The following RUFY2 variants were observed in gnomAD, a reference collection of about 807,000 sequenced individuals.
The protein encoded by RUFY2 is RUN and FYVE domain-containing protein 2.
RUFY2 carries 49 observed loss-of-function variants against 94.4 expected under a neutral mutation model. The observed-to-expected ratio is 0.52, with a 90% CI of 0.41 to 0.66. The LOEUF (loss-of-function observed/expected upper bound fraction) is 0.66. RUFY2 is among the 30% of genes least tolerant of loss of function. The probability of loss-of-function intolerance (pLI) is 0.00; values close to 1 mark genes in which losing one functional copy is unlikely to be tolerated. For synonymous variants in RUFY2, 255 were observed against 235.7 expected (o/e 1.08, Z -0.75); for missense variants, 541 against 692.8 (o/e 0.78, Z 2.46).
At chr10:68,369,484 CA>C (rs56118945) in intron 13 of RUFY2, among the ~76,000 whole-genome samples, 124,433 of 135,754 alleles carry the variant, frequency 0.92, 56,625 homozygotes, top group East Asian at 0.98. Flanking sequence ...GACCTTGTCT[CA>C]AAAAAAAAAA....
At chr10:68,366,612 C>T (rs1472847797) in intron 13 of RUFY2, among the ~76,000 whole-genome samples, 2 of 148,494 alleles carry the variant, frequency 1.3e-5, no homozygotes, top group African/African-American at 2.5e-5. Context: ...CATGGTGGCA[C>T]ACACATTTAA....
At chr10:68,392,297 T>A (rs1315860793) in intron 7 of RUFY2, among the ~76,000 whole-genome samples, 1 of 152,054 alleles carries the variant, frequency 6.6e-6, no homozygotes, top group Non-Finnish European at 1.5e-5. Flanking sequence ...CCTTCCAAAG[T>A]GGAATTACAG....
intron 7 of RUFY2, among the ~76,000 whole-genome samples, chr10:68,388,934 C>T (rs2049761955): frequency 6.6e-6 from 1 of 152,046 alleles, no homozygotes; most frequent in African/African-American, 2.4e-5. Context: ...CATCTGTCAC[C>T]CAGGCTGGAG....
At chr10:68,394,013 T>TA in intron 6 of RUFY2, 62 bp downstream of exon 6, 1 of 1,464,146 alleles carries the variant, frequency 6.8e-7, no homozygotes, top group Non-Finnish European at 9.1e-7. Context: ...ATGGATCTTA[T>TA]AATGATTTGT....
chr10:68,368,117 C>T (rs1427936557), intron 13 of RUFY2, among the ~76,000 whole-genome samples: 2 of 151,794 alleles, frequency 1.3e-5, no homozygotes, highest in Non-Finnish European at 2.9e-5. Flanking sequence ...AGGCGCCTGC[C>T]ACCATGCCCA....
intron 15 of RUFY2, among the ~76,000 whole-genome samples, chr10:68,362,736 G>C (rs2047540699): frequency 6.6e-6 from 1 of 151,738 alleles, no homozygotes; most frequent in Non-Finnish European, 1.5e-5. Flanking sequence ...GCTGCAGTGA[G>C]TTATGATTGT....
At chr10:68,370,448 C>CTTTTTTTTTT (rs949829713) in intron 13 of RUFY2, among the ~76,000 whole-genome samples, 6 of 126,170 alleles carry the variant, frequency 4.8e-5, no homozygotes, top group Admixed American at 8.5e-5. Flanking sequence ...TTTCTTTTTT[C>CTTTTTTTTTT]TTTTTTTTTT....
intron 7 of RUFY2, 73 bp downstream of exon 7, chr10:68,393,065 C>A: frequency 2.8e-6 from 2 of 716,276 alleles, no homozygotes; most frequent in South Asian, 2.2e-5. Flanking sequence ...GAAAGGAATA[C>A]GGTAAGCTGA....
In RUFY2 at chr10:68,401,734, C is replaced by T; in HGVS notation, c.182G>A (p.Arg61Lys). 1.9e-6 allele frequency: 3 copies of T among 1,598,060 alleles called. No homozygotes were observed. Among genetic ancestry groups the T allele is most frequent in the Non-Finnish European group, 2.6e-6 (3 of 1,165,694 alleles). The stretch of plus-strand genomic sequence containing the variant: ...TTTGTTGTAACTCAAAAATGATTTT[C>T]TTACTGAAAAAAAGAACACATAATG... Reference protein sequence around the residue: ...EHCLKHGLKVRKSFLSYNKTI... With the variant: ...EHCLKHGLKVKKSFLSYNKTI... The change falls in exon 3 of 18, where the codon AGA becomes AAA. Residue 61 changes from arginine (R) to lysine (K), a missense_variant. Coordinates refer to ENST00000602465, the MANE Select transcript of RUFY2 (RefSeq NM_001330103.2).
chr10:68,348,386 A>G (rs2046428587), intron 16 of RUFY2, among the ~76,000 whole-genome samples: 1 of 151,886 alleles, frequency 6.6e-6, no homozygotes, highest in Non-Finnish European at 1.5e-5. Flanking sequence ...GCATGGTGGC[A>G]TGCACCTGTA....
In RUFY2 at chr10:68,386,435, C is replaced by T. The variant is rs1246292588; in HGVS notation, c.651-307G>A. Among the ~76,000 whole-genome samples, 10 of 152,110 alleles carry T rather than the reference C, an allele frequency of 6.6e-5. No individual in the cohort carries two copies. The East Asian group carries it at 1.2e-3, about 18-fold the overall frequency. Reference sequence around the variant, plus strand: ...CACGATCTCGGCTCACTGCAGCCTCCGCCTCCTGGGTTCAAACTATTCTTC... The same window carrying T: ...CACGATCTCGGCTCACTGCAGCCTCTGCCTCCTGGGTTCAAACTATTCTTC... On this transcript the variant is annotated intron_variant, in intron 7 of 17. Transcript: ENST00000602465.
intron 10 of RUFY2, among the ~76,000 whole-genome samples, chr10:68,383,120 T>A (rs1409853682): frequency 6.6e-6 from 1 of 151,960 alleles, no homozygotes; most frequent in East Asian, 1.9e-4. Flanking sequence ...AGGCCAGGAG[T>A]TTGAGCCCAG....
chr10:68,378,393 C>A, intron 12 of RUFY2: 1 of 1,238,626 alleles, frequency 8.1e-7, no homozygotes, highest in Non-Finnish European at 1.0e-6. Context: ...AATCCAAGTG[C>A]ACCCACTCTG....
chr10:68,374,815 C>G (rs2048516636), intron 13 of RUFY2, among the ~76,000 whole-genome samples: 1 of 151,880 alleles, frequency 6.6e-6, no homozygotes, highest in Non-Finnish European at 1.5e-5. Flanking sequence ...AGAATTGGTG[C>G]ATATTAACTG....
intron 12 of RUFY2, chr10:68,377,311 AC>A (rs1366268960): frequency 3.6e-6 from 4 of 1,103,174 alleles, no homozygotes. Context: ...GTATGTTACT[AC>A]CTTTTTACAA....
chr10:68,369,781 A>T (rs1379671244), intron 13 of RUFY2, among the ~76,000 whole-genome samples: 1 of 151,980 alleles, frequency 6.6e-6, no homozygotes, highest in Non-Finnish European at 1.5e-5. Flanking sequence ...AAATAAAAAT[A>T]AAAAATAAAA....
chr10:68,355,513 T>C (rs569083956), intron 15 of RUFY2, 112 bp from the exon 16 acceptor site: 12 of 602,652 alleles, frequency 2.0e-5, no homozygotes, highest in South Asian at 1.6e-4. Flanking sequence ...GTATAGTATA[T>C]GATTTTTATG....
intron 13 of RUFY2, among the ~76,000 whole-genome samples, chr10:68,367,083 G>A (rs1300717252): frequency 6.6e-6 from 1 of 151,492 alleles, no homozygotes; most frequent in Non-Finnish European, 1.5e-5. Context: ...CATGAGAATT[G>A]CTTGAACCCA....
intron 17 of RUFY2, 33 bp from the exon 18 acceptor site, chr10:68,345,944 A>T: frequency 6.2e-7 from 1 of 1,612,286 alleles, no homozygotes; most frequent in Non-Finnish European, 8.5e-7. Flanking sequence ...GGAAAAAAAC[A>T]CTTTAAATAA....
Sources: allele counts gnomAD v4.1 joint callset (sites outside exome capture counted in the v4.1 genomes callset), GRCh38; gene constraint gnomAD v4.1.1; transcripts MANE v1.5; gene names NCBI Gene and HGNC (gene_info 2026-07-23, HGNC 2026-07-21).